The following TTC28 variants were observed in gnomAD, a reference collection of about 807,000 sequenced individuals.
TTC28 encodes the protein tetratricopeptide repeat protein 28.
A neutral mutation model predicts 198.0 loss-of-function variants in TTC28; 61 were observed. The observed-to-expected ratio is 0.31, with a 90% CI of 0.25 to 0.38. The LOEUF is 0.38. Ranked by LOEUF, TTC28 falls within the 10% of genes least tolerant of loss-of-function variation. The pLI, the probability that TTC28 is intolerant of heterozygous loss-of-function variation, is 1.00. For missense variants in TTC28, 2,678 were observed against 3,164.0 expected (o/e 0.85, Z 3.69); for synonymous variants, 1,171 against 1,297.8 (o/e 0.90, Z 2.10).
intron 5 of TTC28, among the ~76,000 whole-genome samples, chr22:28,286,354 A>G (rs565624216): frequency 6.6e-6 from 1 of 152,350 alleles, no homozygotes; most frequent in African/African-American, 2.4e-5. Flanking sequence ...TTTTAATCCA[A>G]CGTAGCCAAA....
At chr22:28,132,841 A>G (rs952754618) in intron 6 of TTC28, among the ~76,000 whole-genome samples, 1 of 152,222 alleles carries the variant, frequency 6.6e-6, no homozygotes, top group Non-Finnish European at 1.5e-5. Context: ...TGCTTCAAAC[A>G]TTGTTTCTCT....
chr22:27,987,497 T>C (rs1937252344), intron 21 of TTC28, among the ~76,000 whole-genome samples: 1 of 152,154 alleles, frequency 6.6e-6, no homozygotes, highest in Non-Finnish European at 1.5e-5. Flanking sequence ...TTTGGGAGGC[T>C]GAGGCAGGCA....
intron 2 of TTC28, among the ~76,000 whole-genome samples, chr22:28,570,591 T>C (rs1462386153): frequency 6.6e-6 from 1 of 152,140 alleles, no homozygotes; most frequent in Non-Finnish European, 1.5e-5. Context: ...AAACTACCTA[T>C]TGGGTGCTAT....
chr22:28,354,144 T>A (rs139308723), intron 2 of TTC28, among the ~76,000 whole-genome samples: 1 of 152,170 alleles, frequency 6.6e-6, no homozygotes, highest in Admixed American at 6.5e-5. Flanking sequence ...AAGTTAAACA[T>A]AGAAATACCA....
intron 14 of TTC28, among the ~76,000 whole-genome samples, chr22:28,009,618 G>A (rs964129163): frequency 5.3e-5 from 8 of 152,032 alleles, no homozygotes; most frequent in Non-Finnish European, 1.0e-4. Context: ...AAACCCTCCC[G>A]AGATGACGGG....
At chr22:28,368,122 A>C (rs557782870) in intron 2 of TTC28, among the ~76,000 whole-genome samples, 6 of 152,230 alleles carry the variant, frequency 3.9e-5, no homozygotes, top group African/African-American at 1.4e-4. Context: ...CTACAGGCCA[A>C]TATCTCTGAT....
intron 12 of TTC28, among the ~76,000 whole-genome samples, chr22:28,040,951 C>T (rs917448478): frequency 2.6e-5 from 4 of 151,580 alleles, no homozygotes; most frequent in African/African-American, 7.3e-5. Flanking sequence ...AATAGACAAA[C>T]AGCCAAATCT....
chr22:28,233,766 A>T (rs1928999699), intron 5 of TTC28, among the ~76,000 whole-genome samples: 1 of 152,196 alleles, frequency 6.6e-6, no homozygotes, highest in African/African-American at 2.4e-5. Flanking sequence ...TTTTTTGGAG[A>T]TGGAGTCTCA....
At chr22:28,189,637 A>T (rs1439510798) in intron 5 of TTC28, among the ~76,000 whole-genome samples, 1 of 152,090 alleles carries the variant, frequency 6.6e-6, no homozygotes, top group African/African-American at 2.4e-5. Flanking sequence ...AAAGATCTCC[A>T]AATATTCTGG....
chr22:28,476,413 TG>T (rs1412323725), intron 2 of TTC28, among the ~76,000 whole-genome samples: 5 of 152,238 alleles, frequency 3.3e-5, no homozygotes, highest in African/African-American at 1.2e-4. Context: ...TACAAAGTGT[TG>T]CTTTCAAAAT....
chr22:28,639,409 G>C (rs2051326624), intron 1 of TTC28, among the ~76,000 whole-genome samples: 1 of 152,166 alleles, frequency 6.6e-6, no homozygotes, highest in Non-Finnish European at 1.5e-5. Context: ...CTAGAGAGTA[G>C]GATCTTTTTC....
intron 1 of TTC28, among the ~76,000 whole-genome samples, chr22:28,656,396 C>G (rs190275839): frequency 1.3e-5 from 2 of 152,286 alleles, no homozygotes; most frequent in East Asian, 1.9e-4. Context: ...AAGGCCATGA[C>G]GAGGATACGA....
intron 2 of TTC28, among the ~76,000 whole-genome samples, chr22:28,410,657 T>G (rs537890281): frequency 2.0e-5 from 3 of 152,244 alleles, no homozygotes; most frequent in Admixed American, 1.3e-4. Flanking sequence ...AATAGCCAAG[T>G]AGGTTGAAAG....
At chr22:28,061,536 G>T (rs1442634720) in intron 12 of TTC28, among the ~76,000 whole-genome samples, 1 of 152,112 alleles carries the variant, frequency 6.6e-6, no homozygotes, top group Non-Finnish European at 1.5e-5. Flanking sequence ...GTGGATGTGT[G>T]GCGTTATACC....
intron 12 of TTC28, among the ~76,000 whole-genome samples, chr22:28,087,413 C>A (rs1385714622): frequency 6.6e-6 from 1 of 152,156 alleles, no homozygotes; most frequent in Non-Finnish European, 1.5e-5. Context: ...ACAAAAACCA[C>A]ATGATTATCT....
intron 2 of TTC28, among the ~76,000 whole-genome samples, chr22:28,390,248 G>C (rs1211438974): frequency 6.6e-6 from 1 of 152,066 alleles, no homozygotes; most frequent in Non-Finnish European, 1.5e-5. Flanking sequence ...TTGCTGAGGA[G>C]AGCTTTACTT....
At chr22:28,591,280 T>A (rs551408137) in intron 2 of TTC28, among the ~76,000 whole-genome samples, 76 of 150,766 alleles carry the variant, frequency 5.0e-4, no homozygotes, top group Admixed American at 1.3e-3. Context: ...ACTATTTTTT[T>A]TATATATATA....
At chr22:28,425,155 TG>T (rs1413111023) in intron 2 of TTC28, among the ~76,000 whole-genome samples, 1 of 152,214 alleles carries the variant, frequency 6.6e-6, no homozygotes, top group East Asian at 1.9e-4. Flanking sequence ...TTCAGTGGCT[TG>T]CAAACTAACA....
intron 2 of TTC28, among the ~76,000 whole-genome samples, chr22:28,446,421 G>T (rs183775505): frequency 2.6e-5 from 4 of 152,154 alleles, no homozygotes; most frequent in African/African-American, 9.7e-5. Flanking sequence ...CAAATCTCAT[G>T]TTGAAATATA....
Sources: allele counts gnomAD v4.1 joint callset (sites outside exome capture counted in the v4.1 genomes callset), GRCh38; gene constraint gnomAD v4.1.1; transcripts MANE v1.5; gene names NCBI Gene and HGNC (gene_info 2026-07-23, HGNC 2026-07-21).